The following RGPD1 variants were observed in gnomAD, a reference collection of about 807,000 sequenced individuals.
RGPD1 encodes RANBP2 like and GRIP domain containing 1.
A neutral mutation model predicts 40.6 loss-of-function variants in RGPD1; 7 were observed. That is an observed-to-expected ratio of 0.17 (90% CI 0.10 to 0.32). RGPD1 has a LOEUF of 0.32. Among genes scored for constraint, RGPD1 ranks in the 10% least tolerant of loss-of-function variants. The pLI, the probability that RGPD1 is intolerant of heterozygous loss-of-function variation, is 1.00. For missense variants in RGPD1, 50 were observed against 472.5 expected, an observed-to-expected ratio of 0.11 and a Z score of 8.29; for synonymous variants, 24 against 167.0, an observed-to-expected ratio of 0.14 and a Z score of 6.60.
intron 1 of RGPD1, among the ~76,000 whole-genome samples, chr2:86,914,870 GCGGCGGCGGCGGCGGCC>G: frequency 3.9e-5 from 1 of 25,458 alleles, no homozygotes; most frequent in Non-Finnish European, 7.4e-5. Flanking sequence ...GGCGGCGGCG[GCGGCGGCGGCGGCGGCC>G]TCGACCTGGC....
chr2:86,931,340 A>G (rs553450922), intron 1 of RGPD1, among the ~76,000 whole-genome samples: 54 of 151,578 alleles, frequency 3.6e-4, no homozygotes, highest in African/African-American at 1.2e-3. Flanking sequence ...ATTTAGTCCT[A>G]TCTTTTACTT....
intron 1 of RGPD1, among the ~76,000 whole-genome samples, chr2:86,944,018 C>CA (rs550193405): frequency 0.013 from 1,959 of 149,250 alleles, 41 homozygotes; most frequent in African/African-American, 0.043. Flanking sequence ...CAAAAAAAAA[C>CA]AAAAAAAAAC....
chr2:86,960,072 G>A (rs1230709087), intron 6 of RGPD1, among the ~76,000 whole-genome samples: 2 of 70,956 alleles, frequency 2.8e-5, no homozygotes, highest in Non-Finnish European at 5.2e-5. Context: ...CCTGAGGACA[G>A]CCCTTGGCCC....
At chr2:87,010,901 T>C (rs1573657758) in intron 22 of RGPD1, among the ~76,000 whole-genome samples, 2 of 95,026 alleles carry the variant, frequency 2.1e-5, no homozygotes, top group Non-Finnish European at 4.0e-5. Context: ...AGCAAAATTC[T>C]GTCTCAGAAA....
intron 1 of RGPD1, among the ~76,000 whole-genome samples, chr2:86,929,446 A>G (rs911531385): frequency 1.3e-5 from 2 of 151,602 alleles, no homozygotes; most frequent in Non-Finnish European, 2.9e-5. Flanking sequence ...CAGACACAGA[A>G]ATGTTAATTC....
intron 2 of RGPD1, among the ~76,000 whole-genome samples, chr2:86,951,874 T>TTTG: frequency 4.4e-5 from 1 of 22,638 alleles, no homozygotes. Flanking sequence ...GGAGGCAGGG[T>TTTG]TTTTTTTTTT....
At chr2:86,939,557 C>T (rs1397535712), upstream of RGPD1, among the ~76,000 whole-genome samples, 1 of 137,534 alleles carries the variant, frequency 7.3e-6, no homozygotes, top group East Asian at 2.0e-4. Context: ...CCAGCCTGGA[C>T]CACAGAGTGA....
At position 86,942,209 on chromosome 2, in the gene RGPD1, G is replaced by A. The variant is rs1236180525; in HGVS notation, c.-28G>A. On this transcript the variant is annotated 5_prime_UTR_variant, in exon 1 of 23. Transcript: ENST00000641458. Reference sequence around the variant, plus strand: ...CTGCGGGGCTGAGCGCTGGTTTCACGCGTCTCGGGAGCCAGGTTGGCGGTG... The same window carrying A: ...CTGCGGGGCTGAGCGCTGGTTTCACACGTCTCGGGAGCCAGGTTGGCGGTG... The A allele has an allele frequency of 8.5e-5, 135 of 1,590,974 alleles. No homozygotes were observed. Among genetic ancestry groups the A allele is most frequent in the Middle Eastern group, 2.3e-4 (1 of 4,384 alleles).
At chr2:86,918,644 A>G (rs1440602731) in intron 1 of RGPD1, among the ~76,000 whole-genome samples, 1 of 148,254 alleles carries the variant, frequency 6.7e-6, no homozygotes, top group East Asian at 1.9e-4. Flanking sequence ...TGTTTTTAGT[A>G]GAGATGGGGT....
chr2:86,938,523 G>T (rs1177267366), upstream of RGPD1, among the ~76,000 whole-genome samples: 1 of 148,540 alleles, frequency 6.7e-6, no homozygotes, highest in Non-Finnish European at 1.5e-5. Context: ...ATCAGAGTAG[G>T]CATGGGCAAC....
intron 1 of RGPD1, among the ~76,000 whole-genome samples, chr2:86,932,194 G>T (rs1383569484): frequency 8.1e-6 from 1 of 123,162 alleles, no homozygotes; most frequent in East Asian, 2.3e-4. Context: ...GCTGGATTGG[G>T]ATTTTGGGCA....
chr2:87,009,138 T>C (rs1474445870), intron 22 of RGPD1, among the ~76,000 whole-genome samples: 1 of 97,834 alleles, frequency 1.0e-5, no homozygotes, highest in Admixed American at 1.1e-4. Context: ...ACCCTGTCTC[T>C]ACTAAAAATA....
chr2:86,918,520 C>T (rs1437183479), intron 1 of RGPD1, among the ~76,000 whole-genome samples: 4 of 129,340 alleles, frequency 3.1e-5, no homozygotes, highest in East Asian at 4.5e-4. Flanking sequence ...AGTGCAATGG[C>T]GCAATCTCAG....
At chr2:86,938,501 T>C (rs925476426), upstream of RGPD1, among the ~76,000 whole-genome samples, 1 of 145,194 alleles carries the variant, frequency 6.9e-6, no homozygotes, top group African/African-American at 2.7e-5. Flanking sequence ...GCTATTTAGG[T>C]TGAGGGTAAA....
intron 1 of RGPD1, among the ~76,000 whole-genome samples, chr2:86,936,921 G>A (rs866461018): frequency 6.3e-4 from 84 of 132,910 alleles, no homozygotes; most frequent in African/African-American, 2.4e-3. Flanking sequence ...GACAGGATAT[G>A]AATGTTAAGC....
At chr2:87,000,181 C>G (rs1232849937) in intron 22 of RGPD1, among the ~76,000 whole-genome samples, 1 of 128,144 alleles carries the variant, frequency 7.8e-6, no homozygotes, top group Non-Finnish European at 1.5e-5. Context: ...ACAGAAATCT[C>G]AAAATTATAA....
intron 1 of RGPD1, among the ~76,000 whole-genome samples, chr2:86,935,316 TC>T (rs898144174): frequency 1.0e-5 from 1 of 95,566 alleles, no homozygotes; most frequent in African/African-American, 3.7e-5. Flanking sequence ...AAAAATCTAC[TC>T]CCCTATGCCT....
chr2:86,942,850 C>A lies in RGPD1; in HGVS notation c.72+542C>A, dbSNP rs531393373. 1.7e-4 allele frequency among the ~76,000 whole-genome samples: 26 copies of A among 152,080 alleles called. No homozygotes were observed. In the South Asian group the frequency reaches 2.9e-3, roughly 17 times the overall value. On this transcript the variant is annotated intron_variant, in intron 1 of 22. Transcript: ENST00000641458. ...AGCGCAGGAAGAGTCCTGGGGGGACCGCGGTGGGCGGGATACCTTTGGCGC... is the reference window on the plus strand; with the variant it reads ...AGCGCAGGAAGAGTCCTGGGGGGACAGCGGTGGGCGGGATACCTTTGGCGC...
intron 1 of RGPD1, among the ~76,000 whole-genome samples, chr2:86,919,415 G>A (rs1460136284): frequency 2.0e-5 from 3 of 146,508 alleles, no homozygotes; most frequent in Non-Finnish European, 3.0e-5. Flanking sequence ...ACGCCTCTGC[G>A]TAGAATCCCC....
Sources: allele counts gnomAD v4.1 joint callset (sites outside exome capture counted in the v4.1 genomes callset), GRCh38; gene constraint gnomAD v4.1.1; transcripts MANE v1.5; gene names NCBI Gene and HGNC (gene_info 2026-07-23, HGNC 2026-07-21).